The following C1QTNF7 variants were observed in gnomAD, a reference collection of about 807,000 sequenced individuals.
C1QTNF7 encodes C1q and TNF related 7.
Under a neutral mutation model 19.6 loss-of-function variants are expected in C1QTNF7, and 15 were observed. The observed-to-expected ratio is 0.76, with a 90% CI of 0.51 to 1.18. The LOEUF (loss-of-function observed/expected upper bound fraction) is 1.18, where lower values mean the gene tolerates loss of function less well. Ranked by LOEUF, C1QTNF7 falls within the 50% of genes most tolerant of loss-of-function variation. The probability of loss-of-function intolerance (pLI) is 0.00; values close to 1 mark genes in which losing one functional copy is unlikely to be tolerated. For missense variants in C1QTNF7, 324 were observed against 359.7 expected, an observed-to-expected ratio of 0.90 and a Z score of 0.80; for synonymous variants, 142 against 137.5, an observed-to-expected ratio of 1.03 and a Z score of -0.23.
At chr4:15,396,809 G>A (rs1280382103) in intron 1 of C1QTNF7, among the ~76,000 whole-genome samples, 1 of 152,054 alleles carries the variant, frequency 6.6e-6, no homozygotes, top group Non-Finnish European at 1.5e-5. Context: ...CTTCTTGGCA[G>A]CCCACACACT....
chr4:15,400,416 T>C (rs1299787621), intron 1 of C1QTNF7, among the ~76,000 whole-genome samples: 1 of 152,184 alleles, frequency 6.6e-6, no homozygotes, highest in African/African-American at 2.4e-5. Context: ...AGAAGACACA[T>C]TTGTATGAAA....
At chr4:15,427,717 T>G (rs905872272), upstream of C1QTNF7, 3 of 152,292 alleles carry the variant, frequency 2.0e-5, no homozygotes, top group African/African-American at 7.2e-5. Flanking sequence ...AGTGAGTAAT[T>G]TTTTTCCTGA....
intron 1 of C1QTNF7, among the ~76,000 whole-genome samples, chr4:15,364,233 C>T (rs370418660): frequency 2.6e-5 from 4 of 152,296 alleles, no homozygotes; most frequent in African/African-American, 9.6e-5. Context: ...TCAGCTAAAA[C>T]ATAAATAGTC....
chr4:15,339,817 CAGA>C (rs1716478234), upstream of C1QTNF7: 2 of 270,186 alleles, frequency 7.4e-6, no homozygotes, highest in Middle Eastern at 1.2e-3. Context: ...CTGGGGTTTG[CAGA>C]AGAACACTAC....
intron 1 of C1QTNF7, among the ~76,000 whole-genome samples, chr4:15,345,344 C>T (rs998360754): frequency 1.3e-5 from 2 of 152,188 alleles, no homozygotes; most frequent in African/African-American, 4.8e-5. Flanking sequence ...ACTGTCAAGG[C>T]CAAGAACCTG....
Position 15,445,628 on chromosome 4 carries a change from T to C in C1QTNF7, c.*2829T>C, listed in dbSNP as rs1320196794. The C allele has an allele frequency of 1.3e-5, 2 of 152,328 alleles. No individual in the cohort carries two copies. Among genetic ancestry groups the C allele is most frequent in the African/African-American group, 4.8e-5 (2 of 41,584 alleles). 9.4% of individuals were successfully genotyped at this position (152,328 alleles called of 1,614,324 possible). Reference sequence around the variant, plus strand: ...AGGAGCTGTTTTGGTATTAAACGAATAAAATCTTAAGCAAATATAGGTGTC... The same window carrying C: ...AGGAGCTGTTTTGGTATTAAACGAACAAAATCTTAAGCAAATATAGGTGTC... On this transcript the variant is annotated 3_prime_UTR_variant, in exon 3 of 3. Coordinates refer to ENST00000444304, the MANE Select transcript of C1QTNF7 (RefSeq NM_031911.5).
At chr4:15,432,112 C>A (rs76111886) in intron 1 of C1QTNF7, among the ~76,000 whole-genome samples, 1,926 of 152,196 alleles carry the variant, frequency 0.013, 31 homozygotes, top group African/African-American at 0.045. Context: ...CACCTAGTGT[C>A]TTTGAGGAGC....
chr4:15,344,037 A>G (rs1418831106), intron 1 of C1QTNF7, among the ~76,000 whole-genome samples: 1 of 152,210 alleles, frequency 6.6e-6, no homozygotes, highest in African/African-American at 2.4e-5. Context: ...GGCCTTAAAG[A>G]ATAGATAAGG....
intron 1 of C1QTNF7, among the ~76,000 whole-genome samples, chr4:15,422,768 GT>G (rs1711838148): frequency 6.6e-6 from 1 of 151,888 alleles, no homozygotes; most frequent in Non-Finnish European, 1.5e-5. Context: ...GCAATGGCTG[GT>G]TTTTTATTTC....
At chr4:15,356,562 T>C (rs1387672014) in intron 1 of C1QTNF7, among the ~76,000 whole-genome samples, 2 of 152,232 alleles carry the variant, frequency 1.3e-5, no homozygotes, top group African/African-American at 2.4e-5. Flanking sequence ...TAAACATACA[T>C]GTGCATGTGT....
At chr4:15,388,464 A>G (rs1418060878) in intron 1 of C1QTNF7, among the ~76,000 whole-genome samples, 4 of 152,218 alleles carry the variant, frequency 2.6e-5, no homozygotes, top group Non-Finnish European at 5.9e-5. Flanking sequence ...GAGTAAGGAC[A>G]GAGGTGAACA....
intron 1 of C1QTNF7, among the ~76,000 whole-genome samples, chr4:15,350,322 A>AGAGGGAG (rs1491200621): frequency 0.01 from 333 of 32,498 alleles, 46 homozygotes; most frequent in Middle Eastern, 0.048. Flanking sequence ...GAGGGAAGGA[A>AGAGGGAG]GGAGGAAAGA....
intron 1 of C1QTNF7, among the ~76,000 whole-genome samples, chr4:15,410,292 G>A (rs980725935): frequency 1.3e-5 from 2 of 152,034 alleles, no homozygotes; most frequent in Non-Finnish European, 1.5e-5. Flanking sequence ...ATAGAAAGTA[G>A]GAAAAAAACA....
At chr4:15,435,511 T>C (rs1394360423) in intron 1 of C1QTNF7, among the ~76,000 whole-genome samples, 4 of 152,250 alleles carry the variant, frequency 2.6e-5, no homozygotes, top group African/African-American at 7.2e-5. Context: ...CAATTCTTCA[T>C]CTGCACCAAC....
At position 15,442,255 on chromosome 4, in the gene C1QTNF7, A is replaced by T; in HGVS notation, c.326A>T (p.Glu109Val). Residue 109 changes from glutamate to valine, a missense_variant, in exon 3 of 3, where the codon GAG becomes GTG. By Grantham distance (121) the Glu-to-Val change is moderately radical. Coordinates refer to ENST00000444304, the MANE Select transcript of C1QTNF7 (RefSeq NM_031911.5). ...ETGKKGPIGP[E>V]GEKGEVGPIG... ...GGGAAGAAAGGACCCATAGGACCAG[A>T]GGGAGAGAAAGGAGAAGTAGGTCCA... is the stretch of plus-strand genomic sequence containing the variant. 6.2e-7 allele frequency: 1 copy of T among 1,614,122 alleles called. No individual in the cohort carries two copies. The highest frequency in any genetic ancestry group is 8.5e-7 in the Non-Finnish European group (1 of 1,180,014).
At chr4:15,417,316 C>T (rs1222341865) in intron 1 of C1QTNF7, among the ~76,000 whole-genome samples, 1 of 152,208 alleles carries the variant, frequency 6.6e-6, no homozygotes, top group African/African-American at 2.4e-5. Flanking sequence ...GCAGCTATTC[C>T]CCATTTCTCA....
intron 1 of C1QTNF7, among the ~76,000 whole-genome samples, chr4:15,340,711 A>T (rs1716508403): frequency 6.6e-6 from 1 of 152,196 alleles, no homozygotes; most frequent in Admixed American, 6.5e-5. Context: ...ATATATTTTT[A>T]AAAGTTAAAT....
At chr4:15,385,874 C>T (rs574591133) in intron 1 of C1QTNF7, among the ~76,000 whole-genome samples, 11 of 152,318 alleles carry the variant, frequency 7.2e-5, no homozygotes, top group East Asian at 5.8e-4. Flanking sequence ...ACCTTCATTA[C>T]GGCTTATATA....
chr4:15,349,874 A>G (rs1716848926), intron 1 of C1QTNF7, among the ~76,000 whole-genome samples: 1 of 152,102 alleles, frequency 6.6e-6, no homozygotes, highest in Non-Finnish European at 1.5e-5. Context: ...CGAGTCTCAT[A>G]AGGAAGGCAA....
Sources: gnomAD v4.1 joint callset for allele counts (sites outside exome capture counted in the v4.1 genomes callset) on GRCh38, gnomAD v4.1.1 for gene constraint, MANE v1.5 for transcripts, NCBI Gene and HGNC (gene_info 2026-07-23, HGNC 2026-07-21) for gene names.